CENPC: variants seen among roughly 807,000 people sequenced by gnomAD.
CENPC encodes CENP-C 1.
A neutral mutation model predicts 112.1 loss-of-function variants in CENPC; 63 were observed. That is an observed-to-expected ratio of 0.56 (90% confidence interval 0.46 to 0.69). The LOEUF (loss-of-function observed/expected upper bound fraction) is 0.69, where lower values mean the gene tolerates loss of function less well. CENPC is among the 30% of genes least tolerant of loss of function. The pLI is 0.00. For synonymous variants in CENPC, 333 were observed against 367.6 expected (o/e 0.91, Z 1.08); for missense variants, 1,000 against 1,103.8 (o/e 0.91, Z 1.33).
chr4:67,509,826 A>G (rs1392720107), intron 9 of CENPC, among the ~76,000 whole-genome samples: 1 of 152,150 alleles, frequency 6.6e-6, no homozygotes, highest in Non-Finnish European at 1.5e-5. Context: ...CACTGCTGCA[A>G]GAATCACCTT....
chr4:67,502,508 A>T (rs1725619475), intron 12 of CENPC, among the ~76,000 whole-genome samples: 1 of 152,216 alleles, frequency 6.6e-6, no homozygotes, highest in African/African-American at 2.4e-5. Context: ...AAATTTGACC[A>T]AAGCAGGTAC....
rs187879172 is a variant in CENPC, at chr4:67,540,891, A to G, written c.136+89T>C. On this transcript the variant is annotated intron_variant, in intron 3 of 18. Coordinates refer to ENST00000273853, the MANE Select transcript of CENPC (RefSeq NM_001812.4). ...TTTCCATATATTTAAACCCTAGAACATATTTGCTGCATTTGATATTAATTA... is the reference window on the plus strand; with the variant it reads ...TTTCCATATATTTAAACCCTAGAACGTATTTGCTGCATTTGATATTAATTA... 8.4e-4 allele frequency: 763 copies of G among 911,810 alleles called. 4 individuals carry two copies. The African/African-American group carries it at 0.012, about 14-fold the overall frequency. 56.5% of individuals were successfully genotyped at this position (911,810 alleles called of 1,614,324 possible). A position where few individuals can be genotyped will look rare whatever the true frequency, so the allele number is the denominator to read the frequency against.
chr4:67,506,957 A>C, intron 10 of CENPC, 23 bp from the exon 11 acceptor site: 2 of 1,574,736 alleles, frequency 1.3e-6, no homozygotes, highest in Non-Finnish European at 8.7e-7. Context: ...TAAATGTATG[A>C]GTGTTTATAC....
At position 67,491,480 on chromosome 4, in the gene CENPC, TAGAGAGAGAGAGAGAGAG is replaced by T. The variant is rs71219046; in HGVS notation, c.2515+682_2515+699del. 2.3e-3 allele frequency among the ~76,000 whole-genome samples: 41 copies of T among 18,102 alleles called. 1 individual carries two copies. The highest frequency in any genetic ancestry group is 7.0e-3 in the African/African-American group (40 of 5,694). The allele number at this position is 18,102 out of a possible 152,430, so 11.9% of individuals were successfully genotyped here. On this transcript the variant is annotated intron_variant, in intron 16 of 18. Transcript: ENST00000273853. Reference sequence around the variant, plus strand: ...ATATATATATATATATATATATATATAGAGAGAGAGAGAGAGAGAGAGAGAGAGAGAGAGAGAGAGAGA... The same window carrying T: ...ATATATATATATATATATATATATATAGAGAGAGAGAGAGAGAGAGAGAGA...
intron 17 of CENPC, among the ~76,000 whole-genome samples, chr4:67,481,813 T>C (rs1417132481): frequency 4.6e-5 from 7 of 151,918 alleles, no homozygotes; most frequent in Admixed American, 4.6e-4. Context: ...AAAGATAACA[T>C]CAGAAAAACC....
At chr4:67,519,190 G>A (rs773541198) in intron 6 of CENPC, 27 bp downstream of exon 6, 16 of 1,475,644 alleles carry the variant, frequency 1.1e-5, no homozygotes, top group South Asian at 2.9e-5. Flanking sequence ...TTTAAAGTGC[G>A]TTAACATTAT....
intron 12 of CENPC, among the ~76,000 whole-genome samples, chr4:67,503,466 C>T (rs907747519): frequency 1.3e-5 from 2 of 152,114 alleles, no homozygotes; most frequent in African/African-American, 4.8e-5. Context: ...ACTCTCAACA[C>T]CCAACAAATC....
At chr4:67,537,980 T>C (rs922316563) in intron 4 of CENPC, among the ~76,000 whole-genome samples, 18 of 152,158 alleles carry the variant, frequency 1.2e-4, no homozygotes, top group Middle Eastern at 3.4e-3. Flanking sequence ...TGAAACCCTG[T>C]CTCAGAAAAT....
At chr4:67,527,300 G>A (rs1006865557) in intron 5 of CENPC, among the ~76,000 whole-genome samples, 1 of 151,982 alleles carries the variant, frequency 6.6e-6, no homozygotes, top group Non-Finnish European at 1.5e-5. Flanking sequence ...AAAATCATAT[G>A]ATCATATGGA....
chr4:67,478,661 CA>C (rs761110350), intron 17 of CENPC, among the ~76,000 whole-genome samples: 31,993 of 150,290 alleles, frequency 0.21, 3,393 homozygotes, highest in South Asian at 0.23. Context: ...CACACACACA[CA>C]CACACCCAAA....
chr4:67,485,479 T>A (rs1725071345), intron 17 of CENPC, among the ~76,000 whole-genome samples: 1 of 150,910 alleles, frequency 6.6e-6, no homozygotes, highest in Non-Finnish European at 1.5e-5. Context: ...ACCCCCCCAA[T>A]GTGATGGGAT....
At chr4:67,522,501 T>C (rs753296630) in intron 5 of CENPC, among the ~76,000 whole-genome samples, 24 of 152,108 alleles carry the variant, frequency 1.6e-4, no homozygotes, top group Non-Finnish European at 2.9e-4. Flanking sequence ...ATTGTCTGGG[T>C]TCCAAGGGCA....
intron 17 of CENPC, among the ~76,000 whole-genome samples, chr4:67,489,420 T>C (rs558237056): frequency 1.0e-3 from 155 of 152,084 alleles, no homozygotes; most frequent in African/African-American, 3.4e-3. Flanking sequence ...AGCTTAGTCC[T>C]GAGTCTATGT....
intron 16 of CENPC, 22 bp downstream of exon 16, chr4:67,492,158 T>C: frequency 2.8e-6 from 4 of 1,442,616 alleles, no homozygotes; most frequent in Non-Finnish European, 3.8e-6. Context: ...TTAAGTATTT[T>C]CAGTATCATG....
chr4:67,540,001 G>A, intron 3 of CENPC, 67 bp from the exon 4 acceptor site: 2 of 799,470 alleles, frequency 2.5e-6, no homozygotes, highest in Non-Finnish European at 3.8e-6. Flanking sequence ...ACAATTAAAA[G>A]TAGCTGTATA....
chr4:67,485,027 A>G (rs1725056886), intron 17 of CENPC, among the ~76,000 whole-genome samples: 1 of 152,122 alleles, frequency 6.6e-6, no homozygotes, highest in Admixed American at 6.5e-5. Flanking sequence ...TGGGAGGTGG[A>G]GCTTGCAGTG....
intron 7 of CENPC, among the ~76,000 whole-genome samples, chr4:67,516,375 C>T (rs1726057235): frequency 6.6e-6 from 1 of 151,984 alleles, no homozygotes; most frequent in South Asian, 2.1e-4. Context: ...CTGGCATACG[C>T]ACTCGTTTCC....
At chr4:67,509,152 AT>A in intron 9 of CENPC, 47 bp from the exon 10 acceptor site, 1 of 1,447,072 alleles carries the variant, frequency 6.9e-7, no homozygotes. Flanking sequence ...TGTCCAGATG[AT>A]TTGGCTCACT....
intron 2 of CENPC, among the ~76,000 whole-genome samples, chr4:67,543,091 G>A (rs1726932458): frequency 2.0e-5 from 3 of 152,114 alleles, no homozygotes; most frequent in South Asian, 2.1e-4. Flanking sequence ...TTAAATGTGT[G>A]TGTGTGTTTA....
Sources: gnomAD v4.1 joint callset for allele counts (sites outside exome capture counted in the v4.1 genomes callset) on GRCh38, gnomAD v4.1.1 for gene constraint, MANE v1.5 for transcripts, NCBI Gene and HGNC (gene_info 2026-07-23, HGNC 2026-07-21) for gene names.